KDM7A: variants seen among roughly 807,000 people sequenced by gnomAD.
The protein encoded by KDM7A is lysine demethylase 7A.
A neutral mutation model predicts 114.8 loss-of-function variants in KDM7A; 28 were observed. The ratio of observed to expected loss-of-function variants is 0.24; its 90% CI spans 0.18 to 0.33. The LOEUF (loss-of-function observed/expected upper bound fraction) is 0.33. Among genes scored for constraint, KDM7A ranks in the 10% least tolerant of loss-of-function variants. The pLI is 1.00. For synonymous variants in KDM7A, 423 were observed against 397.8 expected (o/e 1.06, Z -0.75); for missense variants, 942 against 1,142.5 (o/e 0.82, Z 2.53).
chr7:140,140,852 A>G (rs1416833065), intron 1 of KDM7A, among the ~76,000 whole-genome samples: 1 of 152,172 alleles, frequency 6.6e-6, no homozygotes, highest in Non-Finnish European at 1.5e-5. Flanking sequence ...AAAATAAGGA[A>G]AAGAATTAAA....
chr7:140,109,674 T>G (rs1585143885), intron 11 of KDM7A, among the ~76,000 whole-genome samples: 1 of 152,254 alleles, frequency 6.6e-6, no homozygotes, highest in Non-Finnish European at 1.5e-5. Context: ...GTTTATACTG[T>G]TTTCAGCTTC....
chr7:140,111,021 G>A (rs1818421095), intron 11 of KDM7A, 74 bp downstream of exon 11: 4 of 785,882 alleles, frequency 5.1e-6, no homozygotes, highest in Admixed American at 4.6e-5. Context: ...AATATTTGTA[G>A]AGAGTGGAAT....
chr7:140,101,720 A>T (rs1818228990), intron 12 of KDM7A, among the ~76,000 whole-genome samples: 1 of 152,138 alleles, frequency 6.6e-6, no homozygotes. Context: ...CTTGCTAAAG[A>T]CTCAATAAAC....
chr7:140,104,984 TCTC>T (rs1355855182), intron 11 of KDM7A, among the ~76,000 whole-genome samples: 1 of 152,180 alleles, frequency 6.6e-6, no homozygotes, highest in African/African-American at 2.4e-5. Context: ...GGTTTGTAGT[TCTC>T]CTTGAAGAGG....
chr7:140,145,681 C>CA (rs1794332066), intron 1 of KDM7A, among the ~76,000 whole-genome samples: 1 of 152,150 alleles, frequency 6.6e-6, no homozygotes, highest in South Asian at 2.1e-4. Context: ...AACAGAAACT[C>CA]AATGTTAACA....
intron 2 of KDM7A, among the ~76,000 whole-genome samples, chr7:140,136,812 C>T (rs979512621): frequency 6.6e-6 from 1 of 152,046 alleles, no homozygotes; most frequent in Non-Finnish European, 1.5e-5. Context: ...CATGGTGAAA[C>T]TCTGTCTCTA....
chr7:140,174,173 A>G (rs528366196), intron 1 of KDM7A, among the ~76,000 whole-genome samples: 18 of 152,160 alleles, frequency 1.2e-4, no homozygotes, highest in African/African-American at 3.9e-4. Context: ...CCAAAAAAAA[A>G]AAAAAGAAAA....
chr7:140,148,276 G>A (rs566517981), intron 1 of KDM7A, among the ~76,000 whole-genome samples: 2 of 151,970 alleles, frequency 1.3e-5, no homozygotes, highest in African/African-American at 4.8e-5. Flanking sequence ...TTAGATGGTG[G>A]AGTTGAGAAA....
chr7:140,117,157 A>G (rs1025826262), intron 9 of KDM7A, among the ~76,000 whole-genome samples: 4 of 152,344 alleles, frequency 2.6e-5, no homozygotes, highest in South Asian at 2.1e-4. Context: ...GGTATTCTAC[A>G]CTGATCTGGC....
chr7:140,171,063 CCCAA>C lies in KDM7A; in HGVS notation c.194+5677_194+5680del, dbSNP rs1393459588. On this transcript the variant is annotated intron_variant, in intron 1 of 19. Transcript: ENST00000397560. ...TGGTAATGTACTGAGACCCCCATCC[CCCAA>C]CAACAACAACAACAACAACAACAAC... is the stretch of plus-strand genomic sequence containing the variant. 7.7e-4 allele frequency among the ~76,000 whole-genome samples: 75 copies of C among 97,452 alleles called. No individual in the cohort carries two copies. In the Admixed American group the frequency reaches 7.7e-3, roughly 10 times the overall value. 63.9% of individuals were successfully genotyped at this position (97,452 alleles called of 152,430 possible). A position where few individuals can be genotyped will look rare whatever the true frequency, so the allele number is the denominator to read the frequency against.
chr7:140,100,686 A>G lies in KDM7A; in HGVS notation c.1639-663T>C, dbSNP rs1311177018. On this transcript the variant is annotated intron_variant, in intron 12 of 19. Coordinates refer to ENST00000397560, the MANE Select transcript of KDM7A (RefSeq NM_030647.2). Reference sequence around the variant, plus strand: ...TATATATATATATATATATACATATATACATATATATATATATATATACAC... The same window carrying G: ...TATATATATATATATATATACATATGTACATATATATATATATATATACAC... Among the ~76,000 whole-genome samples the G allele has an allele frequency of 1.2e-4, 4 of 33,580 alleles. 1 individual carries two copies. Among genetic ancestry groups the G allele is most frequent in the African/African-American group, 5.9e-4 (4 of 6,738 alleles). 22.0% of individuals were successfully genotyped at this position (33,580 alleles called of 152,430 possible).
At chr7:140,159,968 T>C (rs1382582147) in intron 1 of KDM7A, among the ~76,000 whole-genome samples, 2 of 144,094 alleles carry the variant, frequency 1.4e-5, no homozygotes, top group African/African-American at 2.6e-5. Context: ...AAAAAAAACC[T>C]GTACCCTTTC....
At position 140,096,774 on chromosome 7, in the gene KDM7A, G is replaced by A; in HGVS notation, c.2166-11C>T. The A allele has an allele frequency of 1.2e-6, 2 of 1,609,326 alleles. No individual in the cohort carries two copies. Among genetic ancestry groups the A allele is most frequent in the East Asian group, 2.2e-5 (1 of 44,862 alleles). On this transcript the variant is annotated splice_polypyrimidine_tract_variant and intron_variant, in intron 16 of 19. Coordinates refer to ENST00000397560, the MANE Select transcript of KDM7A (RefSeq NM_030647.2). ...GAGGTAGGACATTCCCTAAAGAAGA[G>A]ATGATCCAAAAACACAAGAGTCTAT...
chr7:140,158,639 C>T (rs972930993), intron 1 of KDM7A, among the ~76,000 whole-genome samples: 5 of 151,968 alleles, frequency 3.3e-5, no homozygotes, highest in South Asian at 2.1e-4. Context: ...GAGAGAGCTA[C>T]GAAAGAAAAC....
At chr7:140,139,656 A>G (rs977500050) in intron 1 of KDM7A, among the ~76,000 whole-genome samples, 1 of 152,210 alleles carries the variant, frequency 6.6e-6, no homozygotes, top group Non-Finnish European at 1.5e-5. Flanking sequence ...TATCTACCTC[A>G]AGAAGTTACA....
chr7:140,155,192 G>A (rs1794445207), intron 1 of KDM7A, among the ~76,000 whole-genome samples: 1 of 152,172 alleles, frequency 6.6e-6, no homozygotes, highest in African/African-American at 2.4e-5. Context: ...ACAAGTATTT[G>A]TAAGGCACTT....
Position 140,092,040 on chromosome 7 carries a change from C to T in KDM7A, c.2495G>A (p.Gly832Asp). 6.2e-7 allele frequency: 1 copy of T among 1,614,134 alleles called. No homozygotes were observed. The change falls in exon 19 of 20, where the codon GGT becomes GAT. Residue 832 changes from glycine to aspartate, a missense_variant. Gly to Asp is a moderately conservative substitution (Grantham distance 94). Around this residue, in one of 4 missense-constraint regions of KDM7A, gnomAD observed 512 missense variants for 576.6 expected, o/e 0.89. Transcript: ENST00000397560. ...SRSQKCIRKE[G>D]SSEISQRVQS... ...TACCCTCTGACTAATTTCTGATGAACCTTCCTTTCTGATGCATTTCTGGCT... is the reference window on the plus strand; with the variant it reads ...TACCCTCTGACTAATTTCTGATGAATCTTCCTTTCTGATGCATTTCTGGCT...
intron 9 of KDM7A, among the ~76,000 whole-genome samples, chr7:140,118,252 C>T (rs1015918): frequency 0.35 from 52,770 of 152,102 alleles, 9,412 homozygotes; most frequent in Middle Eastern, 0.42. Flanking sequence ...AAGCAGAAAA[C>T]AGAAGCAAGT....
At chr7:140,112,596 T>C (rs974436735) in intron 10 of KDM7A, among the ~76,000 whole-genome samples, 19 of 151,668 alleles carry the variant, frequency 1.3e-4, no homozygotes, top group African/African-American at 4.6e-4. Context: ...GGGCAACAGA[T>C]TAAGACTCTG....
Sources: allele counts gnomAD v4.1 joint callset (sites outside exome capture counted in the v4.1 genomes callset), GRCh38; gene constraint gnomAD v4.1.1; regional missense constraint gnomAD v4.1.1; transcripts MANE v1.5; gene names NCBI Gene and HGNC (gene_info 2026-07-23, HGNC 2026-07-21).